The following WDR27 variants were observed in gnomAD, a reference collection of about 807,000 sequenced individuals.
WDR27 encodes the protein WD repeat-containing protein 27.
A neutral mutation model predicts 114.4 loss-of-function variants in WDR27; 100 were observed. The observed-to-expected ratio is 0.87, with a 90% CI of 0.74 to 1.03. The LOEUF is 1.03. Ranked by LOEUF, WDR27 falls within the 50% of genes least tolerant of loss-of-function variation. WDR27 has a pLI of 0.00. For missense variants in WDR27, 1,129 were observed against 1,092.9 expected (o/e 1.03, Z -0.47); for synonymous variants, 449 against 423.1 (o/e 1.06, Z -0.75).
At chr6:169,666,233 C>T (rs1277425875) in intron 6 of WDR27, among the ~76,000 whole-genome samples, 1 of 152,198 alleles carries the variant, frequency 6.6e-6, no homozygotes, top group Non-Finnish European at 1.5e-5. Context: ...TTCCAACGTA[C>T]TTCCAAGAAA....
intron 5 of WDR27, chr6:169,667,390 C>T (rs1355102153): frequency 1.6e-6 from 2 of 1,227,676 alleles, no homozygotes; most frequent in South Asian, 3.7e-5. Flanking sequence ...AATAACATCA[C>T]TTCCATAAAT....
chr6:169,514,290 C>T (rs1207883849), intron 25 of WDR27, among the ~76,000 whole-genome samples: 1 of 150,912 alleles, frequency 6.6e-6, no homozygotes, highest in Non-Finnish European at 1.5e-5. Context: ...TAAATTATTT[C>T]CTTTCAAATA....
chr6:169,663,398 A>T (rs1467719968), intron 8 of WDR27, among the ~76,000 whole-genome samples: 1 of 152,192 alleles, frequency 6.6e-6, no homozygotes, highest in Non-Finnish European at 1.5e-5. Flanking sequence ...AACCAGAATG[A>T]GGAAGAGAGT....
the WDR27 span, among the ~76,000 whole-genome samples, chr6:169,435,632 T>C: frequency 6.6e-6 from 1 of 152,284 alleles, no homozygotes; most frequent in Non-Finnish European, 1.5e-5. Context: ...TTAGCCCCTT[T>C]GTTTTACCGG....
At chr6:169,434,249 T>C in the WDR27 span, among the ~76,000 whole-genome samples, 1 of 152,338 alleles carries the variant, frequency 6.6e-6, no homozygotes, top group Non-Finnish European at 1.5e-5. Context: ...TTAATCCATC[T>C]TGAGTTAATT....
chr6:169,664,623 C>G (rs1345915849), intron 7 of WDR27: 1 of 1,116,622 alleles, frequency 9.0e-7, no homozygotes, highest in African/African-American at 1.6e-5. Flanking sequence ...AAGAGCACGT[C>G]CCACATGCCC....
At position 169,480,357 on chromosome 6, in the gene WDR27, C is replaced by A. The variant is rs540339424; in HGVS notation, c.2646-22723G>T. On this transcript the variant is annotated intron_variant, in intron 25 of 25. Transcript: ENST00000448612. ...GTGAGCTCCCACGTGGCCCGAGCCT[C>A]CCTGACGGGCACCACCCCCTGCTCT... 2.0e-5 allele frequency among the ~76,000 whole-genome samples: 3 copies of A among 152,320 alleles called. No homozygotes were observed. In the South Asian group the frequency reaches 6.2e-4, roughly 32 times the overall value.
chr6:169,431,185 C>T, the WDR27 span, among the ~76,000 whole-genome samples: 1 of 152,182 alleles, frequency 6.6e-6, no homozygotes, highest in Non-Finnish European at 1.5e-5. Flanking sequence ...ATATATTTAT[C>T]TTTCTAATAA....
intron 22 of WDR27, among the ~76,000 whole-genome samples, chr6:169,603,823 T>C (rs1230926658): frequency 6.6e-6 from 1 of 152,234 alleles, no homozygotes; most frequent in Non-Finnish European, 1.5e-5. Flanking sequence ...ATAAAGAAAT[T>C]TCTTCTTACA....
chr6:169,685,404 G>A (rs1782653303), intron 2 of WDR27, among the ~76,000 whole-genome samples: 1 of 151,964 alleles, frequency 6.6e-6, no homozygotes, highest in South Asian at 2.1e-4. Flanking sequence ...ATAATTTTAA[G>A]GAAACTCACT....
the WDR27 span, among the ~76,000 whole-genome samples, chr6:169,437,255 ATTGT>A: frequency 6.6e-6 from 1 of 150,900 alleles, no homozygotes; most frequent in Admixed American, 6.6e-5. Flanking sequence ...CTGGAAGGAA[ATTGT>A]TTGTTTTTCT....
chr6:169,487,482 T>G (rs1053909230), intron 25 of WDR27, among the ~76,000 whole-genome samples: 1 of 152,126 alleles, frequency 6.6e-6, no homozygotes, highest in Non-Finnish European at 1.5e-5. Flanking sequence ...TCAGACACTG[T>G]GGGCCTCGCT....
At chr6:169,683,139 G>T (rs1354888896) in intron 2 of WDR27, among the ~76,000 whole-genome samples, 1 of 152,160 alleles carries the variant, frequency 6.6e-6, no homozygotes, top group Non-Finnish European at 1.5e-5. Flanking sequence ...GTGGTAGAAG[G>T]TTATTCAAAG....
At chr6:169,603,629 T>G (rs572144149) in intron 22 of WDR27, among the ~76,000 whole-genome samples, 2 of 152,316 alleles carry the variant, frequency 1.3e-5, no homozygotes, top group South Asian at 4.1e-4. Flanking sequence ...CTCACGATCA[T>G]GTGTTTCTTG....
At chr6:169,426,582 A>AT in the WDR27 span, 3 of 152,198 alleles carry the variant, frequency 2.0e-5, no homozygotes, top group East Asian at 5.8e-4. Flanking sequence ...TACCGTGCCA[A>AT]TTGAGTTCTG....
intron 25 of WDR27, among the ~76,000 whole-genome samples, chr6:169,501,183 A>AT (rs1443841252): frequency 3.3e-5 from 5 of 152,234 alleles, no homozygotes; most frequent in African/African-American, 1.2e-4. Flanking sequence ...AGCTGAAATC[A>AT]CTGCAAGTTT....
chr6:169,614,501 A>G lies in WDR27; in HGVS notation c.2224-845T>C, dbSNP rs909299818. Among the ~76,000 whole-genome samples the G allele has an allele frequency of 2.0e-5, 3 of 152,266 alleles. No individual in the cohort carries two copies. The East Asian group carries it at 5.8e-4, about 29-fold the overall frequency. ...AGGAAAATGTGAGACCAACCTGGCCAACATGGTGAAATCCCGTCTCTATAA... is the reference window on the plus strand; with the variant it reads ...AGGAAAATGTGAGACCAACCTGGCCGACATGGTGAAATCCCGTCTCTATAA... On this transcript the variant is annotated intron_variant, in intron 21 of 25. Coordinates refer to ENST00000448612, the MANE Select transcript of WDR27 (RefSeq NM_182552.5).
intron 25 of WDR27, among the ~76,000 whole-genome samples, chr6:169,539,979 A>C (rs1160883430): frequency 6.6e-6 from 1 of 152,168 alleles, no homozygotes; most frequent in African/African-American, 2.4e-5. Context: ...TCACATTTTA[A>C]CCAAATTTTA....
At chr6:169,566,594 G>A (rs1800540833) in intron 25 of WDR27, among the ~76,000 whole-genome samples, 1 of 152,228 alleles carries the variant, frequency 6.6e-6, no homozygotes, top group African/African-American at 2.4e-5. Context: ...CATGTACTGA[G>A]TATTTTTGTA....
Sources: allele counts gnomAD v4.1 joint callset (sites outside exome capture counted in the v4.1 genomes callset), GRCh38; gene constraint gnomAD v4.1.1; transcripts MANE v1.5; gene names NCBI Gene and HGNC (gene_info 2026-07-23, HGNC 2026-07-21).